ZDHHC11: variants seen among roughly 807,000 people sequenced by gnomAD.
ZDHHC11 encodes the protein zDHHC palmitoyltransferase 11.
In ZDHHC11, 44 loss-of-function variants were observed where a neutral mutation model predicts 51.3. That is an observed-to-expected ratio of 0.86 (90% CI 0.67 to 1.10). The LOEUF (loss-of-function observed/expected upper bound fraction) is 1.10. Among genes scored for constraint, ZDHHC11 ranks in the 50% least tolerant of loss-of-function variants. The probability of loss-of-function intolerance (pLI) is 0.00; values close to 1 mark genes in which losing one functional copy is unlikely to be tolerated. For synonymous variants in ZDHHC11, 163 were observed against 222.0 expected, an observed-to-expected ratio of 0.73 and a Z score of 2.36; for missense variants, 400 against 537.7, an observed-to-expected ratio of 0.74 and a Z score of 2.53.
At chr5:837,100 A>G (rs555617659) in intron 6 of ZDHHC11, among the ~76,000 whole-genome samples, 1 of 152,268 alleles carries the variant, frequency 6.6e-6, no homozygotes, top group East Asian at 1.9e-4. Context: ...TGGAAGATGT[A>G]TCGTGCAGTA....
chr5:800,015 G>A (rs566372572), intron 12 of ZDHHC11, among the ~76,000 whole-genome samples: 1 of 151,214 alleles, frequency 6.6e-6, no homozygotes, highest in Non-Finnish European at 1.5e-5. Context: ...GTCTCTCTGG[G>A]CTTTCAAGGT....
upstream of ZDHHC11, among the ~76,000 whole-genome samples, chr5:855,638 G>A (rs1748106479): frequency 6.7e-6 from 1 of 149,016 alleles, no homozygotes; most frequent in Admixed American, 6.6e-5. Context: ...AGTGAGCTGG[G>A]GGGCACAGAC....
intron 4 of ZDHHC11, chr5:841,377 G>C (rs1239840753): frequency 1.1e-6 from 1 of 915,382 alleles, no homozygotes; most frequent in Admixed American, 1.1e-4. Context: ...TAAGTGCCAG[G>C]GTCACAGTGC....
At chr5:831,618 A>G (rs140154853) in intron 7 of ZDHHC11, among the ~76,000 whole-genome samples, 4,484 of 144,660 alleles carry the variant, frequency 0.031, 207 homozygotes, top group African/African-American at 0.11. Context: ...AACCAATCCC[A>G]TCAAAAAGTG....
At position 827,991 on chromosome 5, in the gene ZDHHC11, A is replaced by G. The variant is rs571059628; in HGVS notation, c.936-2740T>C. Among the ~76,000 whole-genome samples, 36 of 151,218 alleles carry G rather than the reference A, an allele frequency of 2.4e-4. 1 individual carries two copies. The highest frequency in any genetic ancestry group is 2.8e-4 in the Non-Finnish European group (19 of 67,736). Reference sequence around the variant, plus strand: ...ATCTGTTTAACAAAGCACATCTTGCACCGCCCTTAATCCATTTAACCCTGA... The same window carrying G: ...ATCTGTTTAACAAAGCACATCTTGCGCCGCCCTTAATCCATTTAACCCTGA... On this transcript the variant is annotated intron_variant, in intron 7 of 12. Coordinates refer to ENST00000283441, the MANE Select transcript of ZDHHC11 (RefSeq NM_024786.3).
intron 1 of ZDHHC11, among the ~76,000 whole-genome samples, chr5:856,920 CCAA>C (rs1748342614): frequency 6.6e-6 from 1 of 151,176 alleles, no homozygotes; most frequent in Admixed American, 6.6e-5. Flanking sequence ...CACACACACA[CCAA>C]ACCACACACC....
At chr5:816,618 G>T in intron 10 of ZDHHC11, 1 of 628,116 alleles carries the variant, frequency 1.6e-6, no homozygotes. Context: ...ATCTCCTGTT[G>T]CTTTGCCATA....
chr5:798,615 AACT>A, intron 12 of ZDHHC11, among the ~76,000 whole-genome samples: 1 of 150,550 alleles, frequency 6.6e-6, no homozygotes, highest in Non-Finnish European at 1.5e-5. Flanking sequence ...AAAATCAGAC[AACT>A]CTCCTAGCCA....
intron 3 of ZDHHC11, among the ~76,000 whole-genome samples, chr5:846,143 G>A (rs554788708): frequency 2.0e-5 from 3 of 150,726 alleles, no homozygotes; most frequent in East Asian, 1.9e-4. Flanking sequence ...ACCATCTCAC[G>A]CAGCCTCTGG....
chr5:806,562 C>G (rs1354262534), intron 11 of ZDHHC11, among the ~76,000 whole-genome samples: 1 of 151,176 alleles, frequency 6.6e-6, no homozygotes, highest in Admixed American at 6.6e-5. Context: ...GATCTGGTTT[C>G]TAGAATGGTA....
Position 850,164 on chromosome 5 carries a change from C to A in ZDHHC11, c.222+217G>T, listed in dbSNP as rs924560470. The A allele has an allele frequency of 7.7e-5, 45 of 583,942 alleles. No homozygotes were observed. The African/African-American group carries it at 8.0e-4, about 10-fold the overall frequency. The allele number at this position is 583,942 out of a possible 1,614,324, so 36.2% of individuals were successfully genotyped here. On this transcript the variant is annotated intron_variant, in intron 1 of 12. Coordinates refer to ENST00000283441, the MANE Select transcript of ZDHHC11 (RefSeq NM_024786.3). ...CTCCTGACAGATTCCCTCTCCGGAG[C>A]CCCCTCAGCCAACGCTGTCCTGTCC...
chr5:837,187 TCACAAAGA>T (rs1412813101), intron 6 of ZDHHC11, among the ~76,000 whole-genome samples, 170 bp downstream of exon 6: 6 of 152,070 alleles, frequency 3.9e-5, no homozygotes, highest in African/African-American at 1.5e-4. Flanking sequence ...GTGTTTATGT[TCACAAAGA>T]CACATAGACA....
intron 1 of ZDHHC11, among the ~76,000 whole-genome samples, chr5:857,707 C>T (rs988753978): frequency 3.0e-4 from 44 of 148,274 alleles, no homozygotes; most frequent in Non-Finnish European, 5.0e-4. Flanking sequence ...GTCTTTATGA[C>T]ACCATGGTCC....
At chr5:803,760 G>T (rs394547) in intron 11 of ZDHHC11, among the ~76,000 whole-genome samples, 94,865 of 149,330 alleles carry the variant, frequency 0.64, 35,241 homozygotes, top group Non-Finnish European at 0.83. Flanking sequence ...AATAAAGTAG[G>T]AAAATTACAT....
chr5:843,196 C>T (rs1387458174), intron 4 of ZDHHC11: 29 of 375,316 alleles, frequency 7.7e-5, no homozygotes, highest in East Asian at 1.9e-4. Context: ...GCACCCTCAG[C>T]GCTGCCTCCA....
chr5:844,498 C>G (rs1375484473), intron 3 of ZDHHC11, among the ~76,000 whole-genome samples: 2 of 152,296 alleles, frequency 1.3e-5, no homozygotes, highest in Admixed American at 6.5e-5. Context: ...CTGATGCAGA[C>G]AGGCCTCCCT....
intron 2 of ZDHHC11, 154 bp from the exon 3 acceptor site, chr5:847,769 G>A (rs1225478773): frequency 1.0e-5 from 6 of 576,122 alleles, no homozygotes; most frequent in Middle Eastern, 4.5e-4. Context: ...GGCTGGGGGA[G>A]GGTGTTGAGG....
chr5:822,001 A>G, intron 8 of ZDHHC11, 106 bp from the exon 9 acceptor site: 1 of 1,003,108 alleles, frequency 1.0e-6, no homozygotes, highest in Non-Finnish European at 1.5e-6. Context: ...CTTCTGAGTA[A>G]TGGTACATCA....
intron 7 of ZDHHC11, among the ~76,000 whole-genome samples, chr5:828,891 C>T (rs1317084280): frequency 7.4e-6 from 1 of 135,356 alleles, no homozygotes; most frequent in Non-Finnish European, 1.6e-5. Context: ...ATAACTGCTT[C>T]TGAATGATCT....
Sources: gnomAD v4.1 joint callset for allele counts (sites outside exome capture counted in the v4.1 genomes callset) on GRCh38, gnomAD v4.1.1 for gene constraint, MANE v1.5 for transcripts, NCBI Gene and HGNC (gene_info 2026-07-23, HGNC 2026-07-21) for gene names.